TMTC2: variants seen among roughly 807,000 people sequenced by gnomAD.
TMTC2 encodes transmembrane O-mannosyltransferase targeting cadherins 2.
Under a neutral mutation model 82.4 loss-of-function variants are expected in TMTC2, and 43 were observed. The observed-to-expected ratio is 0.52, with a 90% CI of 0.41 to 0.67. TMTC2 has a LOEUF of 0.67. TMTC2 is among the 30% of genes least tolerant of loss of function. TMTC2 has a pLI of 0.00. For missense variants in TMTC2, 919 were observed against 1,012.4 expected, an observed-to-expected ratio of 0.91 and a Z score of 1.25; for synonymous variants, 408 against 381.9, an observed-to-expected ratio of 1.07 and a Z score of -0.80.
At chr12:82,995,829 G>A (rs556983240) in intron 8 of TMTC2, among the ~76,000 whole-genome samples, 2 of 152,244 alleles carry the variant, frequency 1.3e-5, no homozygotes, top group South Asian at 4.1e-4. Flanking sequence ...GTCTTGCTCT[G>A]TCACCGGAGC....
At chr12:83,095,230 G>GTTTTTTTTTTTT (rs372668283) in intron 11 of TMTC2, among the ~76,000 whole-genome samples, 1 of 126,274 alleles carries the variant, frequency 7.9e-6, no homozygotes, top group Non-Finnish European at 1.8e-5. Flanking sequence ...TTTTTTTTTT[G>GTTTTTTTTTTTT]TTTTTTTTTT....
chr12:82,828,211 C>CT (rs58399725), intron 1 of TMTC2, among the ~76,000 whole-genome samples: 2,248 of 109,640 alleles, frequency 0.021, 59 homozygotes, highest in African/African-American at 0.044. Context: ...TTTTCTTTGG[C>CT]TTTTTTTTTT....
At chr12:83,127,755 GC>G (rs966276232) in intron 11 of TMTC2, among the ~76,000 whole-genome samples, 3 of 151,988 alleles carry the variant, frequency 2.0e-5, no homozygotes, top group Non-Finnish European at 4.4e-5. Context: ...AGTCTCAAGG[GC>G]CTTAAACTAG....
intron 11 of TMTC2, among the ~76,000 whole-genome samples, chr12:83,121,449 C>T (rs1182283968): frequency 2.0e-5 from 3 of 152,026 alleles, no homozygotes; most frequent in Non-Finnish European, 4.4e-5. Flanking sequence ...CCCAGCAAGT[C>T]TACCAGGCTC....
At chr12:82,786,366 G>A (rs561576565) in intron 1 of TMTC2, among the ~76,000 whole-genome samples, 6 of 152,142 alleles carry the variant, frequency 3.9e-5, no homozygotes, top group African/African-American at 1.4e-4. Context: ...GGTATCACAA[G>A]GTATAGTACA....
At position 82,848,742 on chromosome 12, in the gene TMTC2, A is replaced by C. The variant is rs1870817075; in HGVS notation, c.84-8268A>C. Among the ~76,000 whole-genome samples the C allele has an allele frequency of 3.3e-5, 5 of 152,236 alleles. No individual in the cohort carries two copies. In the South Asian group the frequency reaches 1.0e-3, roughly 32 times the overall value. ...ACTCCTGAAATATCTCCCATATATC[A>C]TCCCATTTAAGATCCCTGATATTTG... On this transcript the variant is annotated intron_variant, in intron 1 of 11. Transcript: ENST00000321196.
At chr12:82,958,096 C>T (rs2137290433) in intron 4 of TMTC2, among the ~76,000 whole-genome samples, 1 of 152,206 alleles carries the variant, frequency 6.6e-6, no homozygotes, top group South Asian at 2.1e-4. Context: ...GGCACAACGG[C>T]TCATGCCTGT....
At chr12:82,919,989 C>A (rs1168380014) in intron 3 of TMTC2, among the ~76,000 whole-genome samples, 2 of 152,172 alleles carry the variant, frequency 1.3e-5, no homozygotes, top group Admixed American at 1.3e-4. Flanking sequence ...TTTCCAACCT[C>A]CACCCGTTAT....
intron 11 of TMTC2, among the ~76,000 whole-genome samples, chr12:83,082,868 A>G (rs1204425674): frequency 6.6e-6 from 1 of 152,200 alleles, no homozygotes. Flanking sequence ...TATTTGGAAG[A>G]GCATTTTATA....
chr12:83,056,190 G>A lies in TMTC2; in HGVS notation c.2267+5172G>A, dbSNP rs561021651. 2.0e-5 allele frequency among the ~76,000 whole-genome samples: 3 copies of A among 152,006 alleles called. No homozygotes were observed. The South Asian group carries it at 6.2e-4, about 32-fold the overall frequency. ...TTGTAAAGTAGACAGAGTCATTGGAGAACTCCAACTTTGTATTCTCAAAGA... is the reference window on the plus strand; with the variant it reads ...TTGTAAAGTAGACAGAGTCATTGGAAAACTCCAACTTTGTATTCTCAAAGA... On this transcript the variant is annotated intron_variant, in intron 10 of 11. Transcript: ENST00000321196.
intron 1 of TMTC2, among the ~76,000 whole-genome samples, chr12:82,751,853 G>A (rs1033848186): frequency 1.3e-5 from 2 of 152,074 alleles, no homozygotes; most frequent in Admixed American, 1.3e-4. Flanking sequence ...TACATATTTT[G>A]GATGGTTCCA....
At chr12:82,979,690 A>G (rs1878836657) in intron 7 of TMTC2, among the ~76,000 whole-genome samples, 1 of 151,842 alleles carries the variant, frequency 6.6e-6, no homozygotes, top group African/African-American at 2.4e-5. Context: ...ACTACCAGTG[A>G]GTTTTGTACT....
chr12:82,893,042 G>A (rs561246672), intron 2 of TMTC2, among the ~76,000 whole-genome samples: 23 of 152,186 alleles, frequency 1.5e-4, no homozygotes, highest in African/African-American at 5.1e-4. Flanking sequence ...ATTCTTAGAT[G>A]ATAATGAGGC....
intron 2 of TMTC2, among the ~76,000 whole-genome samples, chr12:82,875,899 T>TA (rs781413116): frequency 0.023 from 2,559 of 113,448 alleles, 71 homozygotes; most frequent in African/African-American, 0.065. Context: ...AGCTCACGCT[T>TA]AAAAAAAAAA....
intron 1 of TMTC2, among the ~76,000 whole-genome samples, chr12:82,785,394 A>C (rs12319458): frequency 0.12 from 17,069 of 147,148 alleles, 1,698 homozygotes; most frequent in African/African-American, 0.27. Context: ...AGAAACAAAT[A>C]ACAAAATAAA....
At chr12:82,970,669 C>T (rs1878414000) in intron 7 of TMTC2, among the ~76,000 whole-genome samples, 1 of 152,344 alleles carries the variant, frequency 6.6e-6, no homozygotes, top group South Asian at 2.1e-4. Flanking sequence ...TGATTGTATT[C>T]TCTGTCACTG....
intron 11 of TMTC2, among the ~76,000 whole-genome samples, chr12:83,063,254 G>A (rs748090260): frequency 6.6e-6 from 1 of 150,804 alleles, no homozygotes. Flanking sequence ...GGGGAGAAGG[G>A]AGGGAGAAAG....
intron 3 of TMTC2, among the ~76,000 whole-genome samples, chr12:82,929,080 G>T (rs1303662673): frequency 2.0e-5 from 3 of 151,836 alleles, no homozygotes; most frequent in Non-Finnish European, 2.9e-5. Context: ...GTTTTGTTTT[G>T]TTTTATTTTT....
intron 1 of TMTC2, among the ~76,000 whole-genome samples, chr12:82,733,528 A>G (rs1417868022): frequency 6.6e-6 from 1 of 152,178 alleles, no homozygotes; most frequent in African/African-American, 2.4e-5. Context: ...CTACTTATGA[A>G]CAGGCAGTCT....
Sources: allele counts gnomAD v4.1 joint callset (sites outside exome capture counted in the v4.1 genomes callset), GRCh38; gene constraint gnomAD v4.1.1; transcripts MANE v1.5; gene names NCBI Gene and HGNC (gene_info 2026-07-23, HGNC 2026-07-21).